LRMDA: variants seen among roughly 807,000 people sequenced by gnomAD.
The protein encoded by LRMDA is leucine-rich melanocyte differentiation-associated protein.
Under a neutral mutation model 29.8 loss-of-function variants are expected in LRMDA, and 18 were observed. The ratio of observed to expected loss-of-function variants is 0.60; its 90% confidence interval spans 0.42 to 0.90. The LOEUF (loss-of-function observed/expected upper bound fraction) is 0.90. Among genes scored for constraint, LRMDA ranks in the 40% least tolerant of loss-of-function variants. LRMDA has a pLI of 0.00. For synonymous variants in LRMDA, 125 were observed against 109.4 expected (o/e 1.14, Z -0.89); for missense variants, 273 against 273.9 (o/e 1.00, Z 0.02).
chr10:76,370,134 G>T (rs1434806374), intron 6 of LRMDA, among the ~76,000 whole-genome samples: 1 of 142,080 alleles, frequency 7.0e-6, no homozygotes, highest in African/African-American at 2.6e-5. Context: ...AGCAAAAAAA[G>T]TAGTAATAGG....
chr10:75,916,129 G>A (rs1293379962), intron 2 of LRMDA, among the ~76,000 whole-genome samples: 2 of 151,886 alleles, frequency 1.3e-5, no homozygotes, highest in African/African-American at 2.4e-5. Context: ...TCAGCTCTGG[G>A]GCTGTCAGGA....
intron 5 of LRMDA, among the ~76,000 whole-genome samples, chr10:76,284,058 G>A (rs1840240285): frequency 6.6e-6 from 1 of 152,124 alleles, no homozygotes; most frequent in Admixed American, 6.5e-5. Context: ...AAGAGCTCAG[G>A]TCATTTCTTT....
intron 2 of LRMDA, among the ~76,000 whole-genome samples, chr10:75,939,762 T>G (rs146457155): frequency 2.6e-5 from 4 of 152,220 alleles, no homozygotes; most frequent in African/African-American, 9.6e-5. Flanking sequence ...TGGGGTGAAC[T>G]AGGTAGGTAT....
intron 6 of LRMDA, among the ~76,000 whole-genome samples, chr10:76,336,842 T>C (rs1840975044): frequency 6.6e-6 from 1 of 152,200 alleles, no homozygotes; most frequent in African/African-American, 2.4e-5. Flanking sequence ...TAAGATGCAG[T>C]CCCTTTTTTG....
At position 75,965,559 on chromosome 10, in the gene LRMDA, G is replaced by A. The variant is rs115659328; in HGVS notation, c.132-70449G>A. On this transcript the variant is annotated intron_variant, in intron 2 of 6. Transcript: ENST00000611255. ...CCATGAGTGGGCTCTTTACTTCTCCGCACTCCACTAGTGAATTTGAAGGCC... is the reference window on the plus strand; with the variant it reads ...CCATGAGTGGGCTCTTTACTTCTCCACACTCCACTAGTGAATTTGAAGGCC... Among the ~76,000 whole-genome samples the A allele has an allele frequency of 8.4e-3, 1,271 of 151,948 alleles. 22 individuals are homozygous for A. The highest frequency in any genetic ancestry group is 0.03 in the African/African-American group (1,223 of 41,446).
Position 75,663,531 on chromosome 10 carries a change from A to C in LRMDA, c.131+225037A>C, listed in dbSNP as rs144551439. 6.1e-4 allele frequency among the ~76,000 whole-genome samples: 93 copies of C among 152,290 alleles called. 3 individuals carry two copies. The East Asian group carries it at 0.017, about 29-fold the overall frequency. ...CCATTTCATTCTCCAGCTTCTGCAG[A>C]TCTCCAGAACTCTCTCAGTTCAGAC... On this transcript the variant is annotated intron_variant, in intron 2 of 6. Transcript: ENST00000611255.
At chr10:76,482,089 T>G (rs1357975268) in intron 6 of LRMDA, among the ~76,000 whole-genome samples, 1 of 151,944 alleles carries the variant, frequency 6.6e-6, no homozygotes, top group East Asian at 1.9e-4. Context: ...ATTTTCCTTC[T>G]TGGTTCATAA....
rs911966570 is a variant in LRMDA, at chr10:76,076,367, A to G, written c.516+17584A>G. Among the ~76,000 whole-genome samples, 74 of 151,340 alleles carry G rather than the reference A, an allele frequency of 4.9e-4. 1 individual carries two copies. The highest frequency in any genetic ancestry group is 1.7e-3 in the African/African-American group (72 of 41,288). On this transcript the variant is annotated intron_variant, in intron 5 of 6. Coordinates refer to ENST00000611255, the MANE Select transcript of LRMDA (RefSeq NM_001305581.2). Reference sequence around the variant, plus strand: ...TCTCAAAAAAAAAAAAAAAAAAAAAAAGACTTAACAACTTTGTATCTCCTC... The same window carrying G: ...TCTCAAAAAAAAAAAAAAAAAAAAAGAGACTTAACAACTTTGTATCTCCTC...
intron 5 of LRMDA, among the ~76,000 whole-genome samples, chr10:76,149,485 G>A (rs12411540): frequency 6.6e-6 from 1 of 152,058 alleles, no homozygotes; most frequent in East Asian, 1.9e-4. Flanking sequence ...CTACATTTTT[G>A]TCATTTAGTA....
In LRMDA at chr10:76,533,146, CGAGAGT is replaced by C. The variant is rs201723837; in HGVS notation, c.602-24057_602-24052del. 3.9e-5 allele frequency among the ~76,000 whole-genome samples: 5 copies of C among 128,856 alleles called. No homozygotes were observed. The East Asian group carries it at 1.2e-3, about 30-fold the overall frequency. The allele number at this position is 128,856 out of a possible 152,430, so 84.5% of individuals were successfully genotyped here. On this transcript the variant is annotated intron_variant, in intron 6 of 6. Coordinates refer to ENST00000611255, the MANE Select transcript of LRMDA (RefSeq NM_001305581.2). The stretch of plus-strand genomic sequence containing the variant: ...ACCACTTGTAGATGGAGAGCGAGAG[CGAGAGT>C]GAGAGAGAGCGAGAGAGAGAATGAA...
intron 5 of LRMDA, among the ~76,000 whole-genome samples, chr10:76,107,761 T>A (rs1849510930): frequency 6.6e-6 from 1 of 152,238 alleles, no homozygotes; most frequent in Non-Finnish European, 1.5e-5. Context: ...TATTTTATTT[T>A]ACTTTTTTGT....
chr10:76,173,342 G>A (rs2132195815), intron 5 of LRMDA, among the ~76,000 whole-genome samples: 1 of 152,084 alleles, frequency 6.6e-6, no homozygotes, highest in Non-Finnish European at 1.5e-5. Context: ...AAAAATAAAG[G>A]TACAAACAGA....
At chr10:76,093,606 C>T (rs1045793330) in intron 5 of LRMDA, among the ~76,000 whole-genome samples, 1 of 152,132 alleles carries the variant, frequency 6.6e-6, no homozygotes, top group African/African-American at 2.4e-5. Context: ...CTTTCCCTTT[C>T]CTTCATTGCC....
chr10:75,446,436 G>T (rs937434410), intron 2 of LRMDA, among the ~76,000 whole-genome samples: 3 of 152,196 alleles, frequency 2.0e-5, no homozygotes, highest in Non-Finnish European at 4.4e-5. Context: ...TGTCATTGGG[G>T]CTCCTCACAG....
chr10:75,541,197 G>C (rs1029859369), intron 2 of LRMDA, among the ~76,000 whole-genome samples: 1 of 152,102 alleles, frequency 6.6e-6, no homozygotes, highest in African/African-American at 2.4e-5. Flanking sequence ...GGCCTTATGA[G>C]ATACTTTGTC....
intron 6 of LRMDA, among the ~76,000 whole-genome samples, chr10:76,382,505 A>C (rs118179464): frequency 6.6e-6 from 1 of 152,220 alleles, no homozygotes; most frequent in Non-Finnish European, 1.5e-5. Flanking sequence ...TAAACGACCC[A>C]TGGTAAAGCA....
intron 6 of LRMDA, among the ~76,000 whole-genome samples, chr10:76,353,962 G>C (rs1841209278): frequency 6.6e-6 from 1 of 152,252 alleles, no homozygotes; most frequent in South Asian, 2.1e-4. Flanking sequence ...TAGAAATGCT[G>C]TTCTGTATTT....
chr10:75,638,875 C>T (rs536235900), intron 2 of LRMDA, among the ~76,000 whole-genome samples: 1 of 152,268 alleles, frequency 6.6e-6, no homozygotes, highest in South Asian at 2.1e-4. Context: ...CTGGATATAG[C>T]ACACAAGAGG....
At chr10:76,049,369 G>A (rs948330286) in intron 4 of LRMDA, among the ~76,000 whole-genome samples, 1 of 152,166 alleles carries the variant, frequency 6.6e-6, no homozygotes, top group African/African-American at 2.4e-5. Context: ...CCACAATGAT[G>A]GCAAGATGCT....
Sources: allele counts gnomAD v4.1 joint callset (sites outside exome capture counted in the v4.1 genomes callset), GRCh38; gene constraint gnomAD v4.1.1; transcripts MANE v1.5; gene names NCBI Gene and HGNC (gene_info 2026-07-23, HGNC 2026-07-21).